The following PDZRN4 variants were observed in gnomAD, a reference collection of about 807,000 sequenced individuals.
PDZRN4 encodes the protein PDZ domain-containing RING finger protein 4.
A neutral mutation model predicts 99.0 loss-of-function variants in PDZRN4; 70 were observed. The observed-to-expected ratio is 0.71, with a 90% CI of 0.58 to 0.86. The LOEUF (loss-of-function observed/expected upper bound fraction) is 0.86. Among genes scored for constraint, PDZRN4 ranks in the 40% least tolerant of loss-of-function variants. The pLI is 0.00. For missense variants in PDZRN4, 1,474 were observed against 1,331.2 expected (o/e 1.11, Z -1.67); for synonymous variants, 551 against 501.6 (o/e 1.10, Z -1.32).
chr12:41,451,775 G>T, intron 3 of PDZRN4, among the ~76,000 whole-genome samples: 1 of 152,116 alleles, frequency 6.6e-6, no homozygotes, highest in Non-Finnish European at 1.5e-5. Flanking sequence ...GTGTCCTGGA[G>T]CACAACCAGT....
chr12:41,283,677 C>T (rs146057885), intron 3 of PDZRN4, among the ~76,000 whole-genome samples: 2,194 of 152,286 alleles, frequency 0.014, 22 homozygotes, highest in Middle Eastern at 0.034. Flanking sequence ...AAGGTGGCTT[C>T]ATCCCTGGGA....
intron 3 of PDZRN4, among the ~76,000 whole-genome samples, chr12:41,406,039 C>G (rs1412156457): frequency 6.6e-6 from 1 of 151,898 alleles, no homozygotes; most frequent in Admixed American, 6.6e-5. Context: ...ATGTAACAGA[C>G]CAGCACATGT....
intron 3 of PDZRN4, among the ~76,000 whole-genome samples, chr12:41,259,316 A>C (rs1591988167): frequency 6.6e-6 from 1 of 152,146 alleles, no homozygotes; most frequent in Non-Finnish European, 1.5e-5. Flanking sequence ...AAAAATAGAC[A>C]TGAAAATACA....
intron 3 of PDZRN4, among the ~76,000 whole-genome samples, chr12:41,394,689 C>A (rs796071631): frequency 3.7e-4 from 56 of 152,074 alleles, no homozygotes; most frequent in African/African-American, 1.3e-3. Context: ...TAACTGTTGA[C>A]CAGAGACTTC....
chr12:41,460,284 G>A (rs1391686671), intron 3 of PDZRN4, among the ~76,000 whole-genome samples: 1 of 152,146 alleles, frequency 6.6e-6, no homozygotes. Context: ...AATATAGAGT[G>A]ATTAAAACTT....
In PDZRN4 at chr12:41,188,892, G is replaced by T; in HGVS notation, c.437G>T (p.Arg146Leu). The T allele has an allele frequency of 5.5e-6, 6 of 1,089,746 alleles. No homozygotes were observed. The highest frequency in any genetic ancestry group is 6.7e-6 in the Non-Finnish European group (6 of 899,030). 67.5% of individuals were successfully genotyped at this position (1,089,746 alleles called of 1,614,324 possible). A position where few individuals can be genotyped will look rare whatever the true frequency, so the allele number is the denominator to read the frequency against. The part of the protein sequence containing the change: ...TPRAGRGGGA[R>L]GGPPGGRWGR... ...AGGGCTGGCCGGGGCGGGGGCGCGC[G>T]CGGGGGGCCGCCGGGCGGCCGCTGG... The change falls in exon 1 of 10, where the codon CGC becomes CTC. Residue 146 changes from arginine (R) to leucine (L), a missense_variant. Arg to Leu is a moderately radical substitution (Grantham distance 102). Coordinates refer to ENST00000402685, the MANE Select transcript of PDZRN4 (RefSeq NM_001164595.2).
At chr12:41,560,668 G>C (rs969535605) in intron 7 of PDZRN4, among the ~76,000 whole-genome samples, 46 of 152,056 alleles carry the variant, frequency 3.0e-4, no homozygotes, top group African/African-American at 1.1e-3. Context: ...TGTCTGCCTG[G>C]TATTTTCCTG....
At chr12:41,367,087 G>A (rs1403565389) in intron 3 of PDZRN4, among the ~76,000 whole-genome samples, 2 of 152,048 alleles carry the variant, frequency 1.3e-5, no homozygotes, top group Non-Finnish European at 2.9e-5. Flanking sequence ...CAAAAATATA[G>A]ACACACAAAT....
At chr12:41,496,354 T>A (rs887871943) in intron 3 of PDZRN4, among the ~76,000 whole-genome samples, 1 of 152,130 alleles carries the variant, frequency 6.6e-6, no homozygotes, top group African/African-American at 2.4e-5. Flanking sequence ...CATAGCACTG[T>A]GCCGGCTCCC....
At chr12:41,500,581 CT>C (rs893733088) in intron 3 of PDZRN4, among the ~76,000 whole-genome samples, 2 of 151,742 alleles carry the variant, frequency 1.3e-5, no homozygotes, top group Admixed American at 6.6e-5. Context: ...CATTGATAAC[CT>C]TTTTTTTAAA....
chr12:41,250,985 G>A (rs1951166109), intron 3 of PDZRN4, among the ~76,000 whole-genome samples: 1 of 152,134 alleles, frequency 6.6e-6, no homozygotes. Context: ...ACTTTTGGTA[G>A]TCATTGCTTT....
At chr12:41,502,676 T>C (rs1021764175) in intron 3 of PDZRN4, among the ~76,000 whole-genome samples, 2 of 152,128 alleles carry the variant, frequency 1.3e-5, no homozygotes, top group African/African-American at 4.8e-5. Context: ...TAATGGATAG[T>C]TTCTTCACCT....
intron 3 of PDZRN4, among the ~76,000 whole-genome samples, chr12:41,374,357 C>T (rs778859625): frequency 6.6e-6 from 1 of 152,080 alleles, no homozygotes; most frequent in Non-Finnish European, 1.5e-5. Flanking sequence ...GTGGGCAATG[C>T]AGTCAGCAGG....
chr12:41,444,294 G>A (rs1312227651), intron 3 of PDZRN4, among the ~76,000 whole-genome samples: 1 of 152,024 alleles, frequency 6.6e-6, no homozygotes, highest in Non-Finnish European at 1.5e-5. Flanking sequence ...TCCCCTCCCT[G>A]GGAGGTAAAT....
intron 3 of PDZRN4, among the ~76,000 whole-genome samples, chr12:41,456,498 GA>G (rs1952817955): frequency 6.6e-6 from 1 of 152,164 alleles, no homozygotes; most frequent in Admixed American, 6.5e-5. Context: ...AATAATCCAA[GA>G]AGACATAACC....
intron 3 of PDZRN4, among the ~76,000 whole-genome samples, chr12:41,441,792 G>C (rs1952683023): frequency 6.6e-6 from 1 of 152,074 alleles, no homozygotes; most frequent in Non-Finnish European, 1.5e-5. Context: ...CGCCAGTGAA[G>C]GTCTCACCCT....
chr12:41,509,211 G>A (rs191432838), intron 4 of PDZRN4, among the ~76,000 whole-genome samples: 36 of 151,910 alleles, frequency 2.4e-4, no homozygotes, highest in Non-Finnish European at 1.0e-4. Context: ...CTGATTGATC[G>A]CCATGAATGT....
At chr12:41,395,969 T>C (rs971037539) in intron 3 of PDZRN4, among the ~76,000 whole-genome samples, 1 of 152,166 alleles carries the variant, frequency 6.6e-6, no homozygotes, top group African/African-American at 2.4e-5. Flanking sequence ...TTTTTCATCA[T>C]GTACCCCACA....
At chr12:41,516,720 T>A (rs572478517) in intron 5 of PDZRN4, among the ~76,000 whole-genome samples, 17 of 152,006 alleles carry the variant, frequency 1.1e-4, no homozygotes, top group African/African-American at 4.1e-4. Flanking sequence ...TACCTATACA[T>A]CCTGGTTTGC....
Sources: gnomAD v4.1 joint callset for allele counts (sites outside exome capture counted in the v4.1 genomes callset) on GRCh38, gnomAD v4.1.1 for gene constraint, MANE v1.5 for transcripts, NCBI Gene and HGNC (gene_info 2026-07-23, HGNC 2026-07-21) for gene names.